Variants in PCCA observed in about 807,000 individuals in gnomAD.
PCCA encodes the protein propionyl-CoA carboxylase alpha chain, mitochondrial.
A neutral mutation model predicts 101.3 loss-of-function variants in PCCA; 74 were observed. That is an observed-to-expected ratio of 0.73 (90% CI 0.61 to 0.89). The LOEUF is 0.89. Ranked by LOEUF, PCCA falls within the 40% of genes least tolerant of loss-of-function variation. PCCA has a pLI of 0.00. For missense variants in PCCA, 891 were observed against 907.0 expected (o/e 0.98, Z 0.23); for synonymous variants, 294 against 313.6 (o/e 0.94, Z 0.66).
At chr13:100,381,059 A>AC (rs2076197433) in intron 19 of PCCA, among the ~76,000 whole-genome samples, 1 of 152,204 alleles carries the variant, frequency 6.6e-6, no homozygotes, top group South Asian at 2.1e-4. Flanking sequence ...TGTACCCACT[A>AC]CATAGCTCTA....
chr13:100,455,509 G>T (rs1251342065), intron 21 of PCCA, among the ~76,000 whole-genome samples: 1 of 152,070 alleles, frequency 6.6e-6, no homozygotes, highest in Non-Finnish European at 1.5e-5. Flanking sequence ...CTTTGTGTTT[G>T]TGAGACTCGT....
intron 4 of PCCA, among the ~76,000 whole-genome samples, chr13:100,134,133 C>A (rs1003239478): frequency 1.2e-4 from 18 of 152,314 alleles, no homozygotes; most frequent in African/African-American, 4.3e-4. Context: ...AACTCCCCTT[C>A]ATATGTACAT....
At chr13:100,267,566 G>GT (rs562879778) in intron 10 of PCCA, among the ~76,000 whole-genome samples, 86 of 152,234 alleles carry the variant, frequency 5.6e-4, no homozygotes, top group African/African-American at 1.9e-3. Flanking sequence ...TTGCATAGCT[G>GT]TTTGGAACTA....
intron 17 of PCCA, among the ~76,000 whole-genome samples, chr13:100,336,263 A>G (rs574260362): frequency 1.6e-4 from 25 of 152,308 alleles, no homozygotes; most frequent in Non-Finnish European, 3.5e-4. Flanking sequence ...ACTCTGTCTC[A>G]AGAAACAAAA....
chr13:100,209,578 A>G, intron 7 of PCCA, 115 bp downstream of exon 7: 1 of 765,126 alleles, frequency 1.3e-6, no homozygotes, highest in Non-Finnish European at 2.3e-6. Context: ...ACACACACAT[A>G]TGCACGCACA....
In PCCA at chr13:100,188,887, C is replaced by CT. The variant is rs1277668876; in HGVS notation, c.469-20434dup. The stretch of plus-strand genomic sequence containing the variant: ...ATTGTCTGTACATGTCCTTAGCCCA[C>CT]TTTTTTTTTTTAAATTATACTTTAA... On this transcript the variant is annotated intron_variant, in intron 6 of 23. Coordinates refer to ENST00000376285, the MANE Select transcript of PCCA (RefSeq NM_000282.4). Among the ~76,000 whole-genome samples, 747 of 147,442 alleles carry CT rather than the reference C, an allele frequency of 5.1e-3. 4 individuals are homozygous for CT. Among genetic ancestry groups the CT allele is most frequent in the African/African-American group, 7.3e-3 (293 of 40,406 alleles).
At position 100,132,682 on chromosome 13, in the gene PCCA, G is replaced by C. The variant is rs543633597; in HGVS notation, c.300+20621G>C. ...CTAGGAGTGGGATTGCTGGTCATAT[G>C]GTAAGTATAAGAAACTGCTAGACTT... is the stretch of plus-strand genomic sequence containing the variant. On this transcript the variant is annotated intron_variant, in intron 4 of 23. Coordinates refer to ENST00000376285, the MANE Select transcript of PCCA (RefSeq NM_000282.4). 8.5e-5 allele frequency among the ~76,000 whole-genome samples: 13 copies of C among 152,192 alleles called. No individual in the cohort carries two copies. In the South Asian group the frequency reaches 2.7e-3, roughly 32 times the overall value.
chr13:100,484,514 A>G (rs2084210861), intron 21 of PCCA, among the ~76,000 whole-genome samples: 1 of 152,240 alleles, frequency 6.6e-6, no homozygotes, highest in Non-Finnish European at 1.5e-5. Flanking sequence ...AGACTTCTAA[A>G]CAACACGTTC....
At chr13:100,089,958 A>G (rs534332042) in intron 1 of PCCA, among the ~76,000 whole-genome samples, 3 of 152,268 alleles carry the variant, frequency 2.0e-5, no homozygotes, top group Non-Finnish European at 2.9e-5. Flanking sequence ...TCTCCAGTCA[A>G]TGTCGAGTCT....
chr13:100,306,614 A>G (rs2066474460), intron 14 of PCCA, among the ~76,000 whole-genome samples: 1 of 148,386 alleles, frequency 6.7e-6, no homozygotes, highest in African/African-American at 2.5e-5. Flanking sequence ...CCCCACCCCA[A>G]GAAAATCACA....
intron 12 of PCCA, among the ~76,000 whole-genome samples, chr13:100,285,392 G>A (rs145333640): frequency 6.6e-6 from 1 of 152,298 alleles, no homozygotes. Flanking sequence ...GATAGCTCTT[G>A]GAGTCCTTAC....
chr13:100,335,050 A>T (rs576210211), intron 17 of PCCA, among the ~76,000 whole-genome samples: 1 of 152,218 alleles, frequency 6.6e-6, no homozygotes, highest in Non-Finnish European at 1.5e-5. Context: ...TTATGTTCAT[A>T]CTCTATAAAC....
At chr13:100,512,083 C>T (rs147821741) in intron 21 of PCCA, among the ~76,000 whole-genome samples, 42 of 152,238 alleles carry the variant, frequency 2.8e-4, no homozygotes, top group African/African-American at 8.9e-4. Flanking sequence ...GACTAGCCGC[C>T]GCCTCCTGCT....
intron 21 of PCCA, among the ~76,000 whole-genome samples, chr13:100,456,355 T>A (rs909574814): frequency 6.6e-4 from 100 of 152,336 alleles, no homozygotes; most frequent in Non-Finnish European, 1.3e-3. Flanking sequence ...TGTGGACTTT[T>A]ATGACTCATT....
At chr13:100,228,085 G>A (rs966531750) in intron 7 of PCCA, among the ~76,000 whole-genome samples, 2 of 151,820 alleles carry the variant, frequency 1.3e-5, no homozygotes, top group Admixed American at 6.6e-5. Context: ...GTGCCATCTC[G>A]GCTCACTGCA....
chr13:100,511,132 G>A (rs1184055231), intron 21 of PCCA, among the ~76,000 whole-genome samples: 1 of 152,248 alleles, frequency 6.6e-6, no homozygotes, highest in African/African-American at 2.4e-5. Context: ...GAATTTAGGA[G>A]AGTAGAACGT....
chr13:100,138,827 T>C (rs895473609), intron 4 of PCCA, among the ~76,000 whole-genome samples: 2 of 149,038 alleles, frequency 1.3e-5, no homozygotes, highest in African/African-American at 2.5e-5. Flanking sequence ...CCCAGCTACT[T>C]GGGAGGCTGA....
At chr13:100,512,821 G>A (rs999908389) in intron 21 of PCCA, among the ~76,000 whole-genome samples, 5 of 152,130 alleles carry the variant, frequency 3.3e-5, no homozygotes, top group Non-Finnish European at 7.4e-5. Context: ...AGGGAGTTTC[G>A]CACAACCCTT....
At chr13:100,371,707 A>C (rs564700499) in intron 19 of PCCA, among the ~76,000 whole-genome samples, 2 of 152,362 alleles carry the variant, frequency 1.3e-5, no homozygotes, top group African/African-American at 4.8e-5. Flanking sequence ...AATTCATGCA[A>C]TTTCAAGGGG....
Sources: allele counts gnomAD v4.1 joint callset (sites outside exome capture counted in the v4.1 genomes callset), GRCh38; gene constraint gnomAD v4.1.1; transcripts MANE v1.5; gene names NCBI Gene and HGNC (gene_info 2026-07-23, HGNC 2026-07-21).